The following GPC5 variants were observed in gnomAD, a reference collection of about 807,000 sequenced individuals.
GPC5 encodes glypican 5.
GPC5 carries 47 observed loss-of-function variants against 53.9 expected under a neutral mutation model. The observed-to-expected ratio is 0.87, with a 90% CI of 0.69 to 1.11. The LOEUF (loss-of-function observed/expected upper bound fraction) is 1.11, where lower values mean the gene tolerates loss of function less well. GPC5 is among the 50% of genes most tolerant of loss of function. The probability of loss-of-function intolerance (pLI) is 0.00; values close to 1 mark genes in which losing one functional copy is unlikely to be tolerated. For synonymous variants in GPC5, 286 were observed against 263.3 expected, an observed-to-expected ratio of 1.09 and a Z score of -0.84; for missense variants, 748 against 713.1, an observed-to-expected ratio of 1.05 and a Z score of -0.56.
At chr13:92,834,127 G>T (rs1053735748) in intron 7 of GPC5, among the ~76,000 whole-genome samples, 1 of 152,124 alleles carries the variant, frequency 6.6e-6, no homozygotes, top group Non-Finnish European at 1.5e-5. Context: ...GCGAGACTCC[G>T]TGATTGATTG....
intron 7 of GPC5, among the ~76,000 whole-genome samples, chr13:92,782,377 G>A (rs1021685680): frequency 2.0e-5 from 3 of 152,104 alleles, no homozygotes; most frequent in African/African-American, 7.2e-5. Context: ...AGGCAAACAA[G>A]GTCACTGCAG....
At chr13:91,677,017 T>G (rs1348120701) in intron 2 of GPC5, among the ~76,000 whole-genome samples, 1 of 152,156 alleles carries the variant, frequency 6.6e-6, no homozygotes, top group African/African-American at 2.4e-5. Context: ...GAATCTACAT[T>G]CAAATTGAAA....
chr13:91,417,130 G>A (rs755635251), intron 1 of GPC5, among the ~76,000 whole-genome samples: 1 of 152,122 alleles, frequency 6.6e-6, no homozygotes, highest in Non-Finnish European at 1.5e-5. Context: ...TAAGAGTCTA[G>A]TATGATTCCC....
At chr13:92,079,808 A>G (rs2041281136) in intron 6 of GPC5, among the ~76,000 whole-genome samples, 1 of 152,140 alleles carries the variant, frequency 6.6e-6, no homozygotes. Context: ...CCCTAAACAC[A>G]AGACATTCCA....
intron 5 of GPC5, among the ~76,000 whole-genome samples, chr13:91,830,824 AATATATATCCTATTATATATAAT>A (rs2038645223): frequency 1.5e-5 from 2 of 137,072 alleles, no homozygotes; most frequent in South Asian, 2.2e-4. Flanking sequence ...TATTATATAT[AATATATATCCTATTATATATAAT>A]ATATATATCC....
intron 5 of GPC5, among the ~76,000 whole-genome samples, chr13:91,863,564 C>T (rs2039053157): frequency 2.0e-5 from 3 of 152,060 alleles, no homozygotes; most frequent in Admixed American, 2.0e-4. Flanking sequence ...CTCTCTTTCT[C>T]TCTCTATATA....
At chr13:92,178,316 C>T (rs1388236899) in intron 7 of GPC5, among the ~76,000 whole-genome samples, 2 of 151,956 alleles carry the variant, frequency 1.3e-5, no homozygotes, top group Non-Finnish European at 2.9e-5. Context: ...TTTAAAGAGC[C>T]ATTCATACCA....
intron 7 of GPC5, among the ~76,000 whole-genome samples, chr13:92,319,574 T>A (rs1426154714): frequency 1.3e-5 from 2 of 152,184 alleles, no homozygotes; most frequent in Non-Finnish European, 1.5e-5. Context: ...CACATCAGCA[T>A]AGCCCTTATA....
At chr13:92,615,093 A>G (rs756881132) in intron 7 of GPC5, among the ~76,000 whole-genome samples, 3 of 152,188 alleles carry the variant, frequency 2.0e-5, no homozygotes, top group Non-Finnish European at 4.4e-5. Flanking sequence ...GATTACCTCC[A>G]TTTCACGTTT....
At chr13:92,834,049 CT>C (rs1273820750) in intron 7 of GPC5, among the ~76,000 whole-genome samples, 2 of 152,066 alleles carry the variant, frequency 1.3e-5, no homozygotes, top group African/African-American at 4.8e-5. Flanking sequence ...CAATAATGGT[CT>C]GGATTAGGGT....
intron 7 of GPC5, among the ~76,000 whole-genome samples, chr13:92,403,770 G>A (rs1262893942): frequency 6.6e-6 from 1 of 152,092 alleles, no homozygotes; most frequent in African/African-American, 2.4e-5. Context: ...AAACTGCGAA[G>A]GTGTAATACA....
intron 6 of GPC5, among the ~76,000 whole-genome samples, chr13:91,983,460 A>T (rs1401172132): frequency 6.6e-6 from 1 of 152,106 alleles, no homozygotes; most frequent in African/African-American, 2.4e-5. Flanking sequence ...CTGATGCTGG[A>T]GAGCTGTATT....
At chr13:91,773,839 G>A (rs563587000) in intron 5 of GPC5, among the ~76,000 whole-genome samples, 24 of 152,234 alleles carry the variant, frequency 1.6e-4, no homozygotes, top group South Asian at 2.1e-4. Context: ...AACCTGATCC[G>A]TTAGTCTATA....
In GPC5 at chr13:92,823,663, T is replaced by C. The variant is rs149552796; in HGVS notation, c.1562-42619T>C. On this transcript the variant is annotated intron_variant, in intron 7 of 7. Coordinates refer to ENST00000377067, the MANE Select transcript of GPC5 (RefSeq NM_004466.6). ...TCATATTGAAGTTTAACAAGATGTG[T>C]TTACTAGCATTGCAATTAAAAAATA... is the stretch of plus-strand genomic sequence containing the variant. Among the ~76,000 whole-genome samples the C allele has an allele frequency of 2.8e-4, 43 of 152,218 alleles. No individual in the cohort carries two copies. The East Asian group carries it at 7.3e-3, about 26-fold the overall frequency.
Position 92,568,423 on chromosome 13 carries a change from G to A in GPC5, c.1562-297859G>A, listed in dbSNP as rs543979415. Reference sequence around the variant, plus strand: ...AATTAGATTTAGTATTGCTCAGCACGGGAGAATACTTTTTATTTATCCACT... The same window carrying A: ...AATTAGATTTAGTATTGCTCAGCACAGGAGAATACTTTTTATTTATCCACT... On this transcript the variant is annotated intron_variant, in intron 7 of 7. Transcript: ENST00000377067. 9.9e-5 allele frequency among the ~76,000 whole-genome samples: 15 copies of A among 152,244 alleles called. No individual in the cohort carries two copies. In the East Asian group the frequency reaches 1.4e-3, roughly 14 times the overall value.
At chr13:91,625,568 A>T (rs1050017689) in intron 2 of GPC5, among the ~76,000 whole-genome samples, 9 of 152,164 alleles carry the variant, frequency 5.9e-5, no homozygotes, top group African/African-American at 1.9e-4. Flanking sequence ...TGAAGTAAAC[A>T]GACTTAATAT....
intron 6 of GPC5, among the ~76,000 whole-genome samples, chr13:91,914,716 A>G (rs560155074): frequency 3.3e-5 from 5 of 151,866 alleles, no homozygotes; most frequent in African/African-American, 4.8e-5. Flanking sequence ...CCCTGAGAAA[A>G]GGTTCTAATT....
intron 5 of GPC5, among the ~76,000 whole-genome samples, chr13:91,776,615 C>A (rs1208475000): frequency 6.6e-6 from 1 of 152,154 alleles, no homozygotes; most frequent in Non-Finnish European, 1.5e-5. Context: ...ACTCGCAGAG[C>A]AAAAACTGGA....
In GPC5 at chr13:91,870,845, T is replaced by C. The variant is rs183128848; in HGVS notation, c.1281-37092T>C. 4.6e-4 allele frequency among the ~76,000 whole-genome samples: 70 copies of C among 152,364 alleles called. No homozygotes were observed. The Middle Eastern group carries it at 0.01, about 22-fold the overall frequency. On this transcript the variant is annotated intron_variant, in intron 5 of 7. Coordinates refer to ENST00000377067, the MANE Select transcript of GPC5 (RefSeq NM_004466.6). Reference sequence around the variant, plus strand: ...TAAATTTATTCAAGTTGATCCGTGTTGCATTTGGAAGGAAATACAGGTTGA... The same window carrying C: ...TAAATTTATTCAAGTTGATCCGTGTCGCATTTGGAAGGAAATACAGGTTGA...
Sources: gnomAD v4.1 joint callset for allele counts (sites outside exome capture counted in the v4.1 genomes callset) on GRCh38, gnomAD v4.1.1 for gene constraint, MANE v1.5 for transcripts, NCBI Gene and HGNC (gene_info 2026-07-23, HGNC 2026-07-21) for gene names.